ZEB1: variants seen among roughly 807,000 people sequenced by gnomAD.
ZEB1 encodes zinc finger E-box binding homeobox 1.
Under a neutral mutation model 84.9 loss-of-function variants are expected in ZEB1, and 21 were observed. That is an observed-to-expected ratio of 0.25 (90% CI 0.18 to 0.36). The LOEUF is 0.36. Among genes scored for constraint, ZEB1 ranks in the 10% least tolerant of loss-of-function variants. The pLI is 1.00. For missense variants in ZEB1, 1,104 were observed against 1,330.2 expected, an observed-to-expected ratio of 0.83 and a Z score of 2.65; for synonymous variants, 420 against 471.1, an observed-to-expected ratio of 0.89 and a Z score of 1.41.
rs1054803201 is a variant in ZEB1, at chr10:31,481,137, G to A, written c.260-14639G>A. ...TGGGATATAACAAGTAAGTAAATATGTTTCAGATAATAAGACCCAGATTTC... is the reference window on the plus strand; with the variant it reads ...TGGGATATAACAAGTAAGTAAATATATTTCAGATAATAAGACCCAGATTTC... On this transcript the variant is annotated intron_variant, in intron 2 of 8. Coordinates refer to ENST00000424869, the MANE Select transcript of ZEB1 (RefSeq NM_001174096.2). Among the ~76,000 whole-genome samples the A allele has an allele frequency of 5.1e-4, 78 of 151,972 alleles. 1 individual carries two copies. The highest frequency in any genetic ancestry group is 1.8e-4 in the Non-Finnish European group (12 of 67,960).
In ZEB1 at chr10:31,343,508, G is replaced by T. The variant is rs2039758386; in HGVS notation, c.58+24216G>T. Among the ~76,000 whole-genome samples the T allele has an allele frequency of 2.6e-5, 4 of 151,994 alleles. No individual in the cohort carries two copies. The South Asian group carries it at 8.3e-4, about 32-fold the overall frequency. On this transcript the variant is annotated intron_variant, in intron 1 of 8. Coordinates refer to ENST00000424869, the MANE Select transcript of ZEB1 (RefSeq NM_001174096.2). ...TTATTTTTTATCATACACATTTAAA[G>T]TACGGCCTTTGATTTATAGAATTTT...
chr10:31,474,336 T>C (rs1237439057), intron 2 of ZEB1, among the ~76,000 whole-genome samples: 2 of 151,452 alleles, frequency 1.3e-5, no homozygotes, highest in East Asian at 3.9e-4. Context: ...ATATCCAGAA[T>C]CTACAATGAA....
Position 31,354,999 on chromosome 10 carries a change from T to C in ZEB1, c.58+35707T>C, listed in dbSNP as rs1421601453. 2.6e-5 allele frequency: 4 copies of C among 152,200 alleles called. No homozygotes were observed. The East Asian group carries it at 7.7e-4, about 29-fold the overall frequency. The allele number at this position is 152,200 out of a possible 1,614,324, so 9.4% of individuals were successfully genotyped here. A position where few individuals can be genotyped will look rare whatever the true frequency, so the allele number is the denominator to read the frequency against. On this transcript the variant is annotated intron_variant, in intron 1 of 8. Transcript: ENST00000424869. ...ATACACGTGGGTGTAATACAAAGCA[T>C]TATAGTATTTTGTATAGTATCTCCT...
chr10:31,361,151 C>G (rs1049665166), intron 1 of ZEB1: 1 of 1,611,868 alleles, frequency 6.2e-7, no homozygotes, highest in East Asian at 2.2e-5. Flanking sequence ...GAGTGGCAAC[C>G]AGAACCTCTT....
At position 31,526,936 on chromosome 10, in the gene ZEB1, C is replaced by T. The variant is rs1250208239; in HGVS notation, c.3050C>T (p.Ser1017Phe). Reference sequence around the variant, plus strand: ...AATGAGCACGTGGGTGCCAGGGCGTCTCCCTCACAGGGCGACTCGGACGAG... The same window carrying T: ...AATGAGCACGTGGGTGCCAGGGCGTTTCCCTCACAGGGCGACTCGGACGAG... ...LSNEHVGARASPSQGDSDERE... is the reference protein window; with the variant it reads ...LSNEHVGARAFPSQGDSDERE... The change falls in exon 9 of 9, where the codon TCT (serine) becomes TTT (phenylalanine). Residue 1017 changes from serine (S) to phenylalanine (F), a missense_variant. By Grantham distance (155) the Ser-to-Phe change is radical. Transcript: ENST00000424869. The T allele has an allele frequency of 1.9e-6, 3 of 1,614,044 alleles. No homozygotes were observed. Among genetic ancestry groups the T allele is most frequent in the Non-Finnish European group, 2.5e-6 (3 of 1,180,014 alleles).
At chr10:31,408,149 T>C (rs1394603222) in intron 1 of ZEB1, among the ~76,000 whole-genome samples, 1 of 151,600 alleles carries the variant, frequency 6.6e-6, no homozygotes, top group Non-Finnish European at 1.5e-5. Flanking sequence ...TCACAATTGC[T>C]TCAAAGAGAA....
chr10:31,490,836 A>G (rs899319723), intron 2 of ZEB1, among the ~76,000 whole-genome samples: 2 of 151,772 alleles, frequency 1.3e-5, no homozygotes, highest in African/African-American at 4.8e-5. Flanking sequence ...AATCCTATCG[A>G]GAATTTTGAT....
intron 1 of ZEB1, among the ~76,000 whole-genome samples, chr10:31,368,987 G>A (rs538937239): frequency 6.6e-6 from 1 of 152,178 alleles, no homozygotes; most frequent in Non-Finnish European, 1.5e-5. Context: ...ACAGACAGTG[G>A]AATCTAAATT....
chr10:31,386,089 T>C (rs532268638), intron 1 of ZEB1, among the ~76,000 whole-genome samples: 1 of 151,348 alleles, frequency 6.6e-6, no homozygotes, highest in East Asian at 1.9e-4. Context: ...TTTATCACTT[T>C]ATTTATATCG....
intron 1 of ZEB1, among the ~76,000 whole-genome samples, chr10:31,357,041 C>T (rs191776177): frequency 6.6e-5 from 10 of 152,076 alleles, no homozygotes; most frequent in South Asian, 4.2e-4. Context: ...TGTTTTATAG[C>T]CTTGACCATA....
chr10:31,524,084 C>A lies in ZEB1; in HGVS notation c.2756C>A (p.Ser919Ter). ...GACAAGATATTCCAAAAGAGTAGTT[C>A]ATTATTGAGACATAAATATGAACAC... The part of the protein sequence containing the change: ...LCDKIFQKSS[S>*]LLRHKYEHTG... Residue 919 changes from serine to a stop codon, truncating the protein, a stop_gained, in exon 8 of 9, where the codon TCA (serine) becomes TAA (stop). Transcript: ENST00000424869. LOFTEE classifies it low-confidence loss of function (END_TRUNC). 6.2e-7 allele frequency: 1 copy of A among 1,613,520 alleles called. No individual in the cohort carries two copies. Among genetic ancestry groups the A allele is most frequent in the South Asian group, 1.1e-5 (1 of 91,038 alleles).
At chr10:31,341,589 G>T (rs2039379487) in intron 1 of ZEB1, among the ~76,000 whole-genome samples, 1 of 152,118 alleles carries the variant, frequency 6.6e-6, no homozygotes, top group Admixed American at 6.5e-5. Flanking sequence ...TATAGATGGG[G>T]GTCCTGGGCT....
chr10:31,419,282 G>T (rs534341513), intron 1 of ZEB1, among the ~76,000 whole-genome samples: 38 of 152,206 alleles, frequency 2.5e-4, no homozygotes, highest in African/African-American at 7.2e-4. Context: ...GAATGCCCTG[G>T]GGGGATAAGG....
intron 6 of ZEB1, among the ~76,000 whole-genome samples, chr10:31,518,103 A>C (rs1256554692): frequency 1.3e-5 from 2 of 152,172 alleles, no homozygotes; most frequent in Non-Finnish European, 2.9e-5. Context: ...AGTTCATGTA[A>C]AAATGTTATC....
chr10:31,419,999 A>T (rs1028339920), intron 1 of ZEB1, among the ~76,000 whole-genome samples: 20 of 152,054 alleles, frequency 1.3e-4, no homozygotes, highest in South Asian at 2.1e-4. Context: ...TGAAGATGAG[A>T]TCTCTTAACA....
chr10:31,447,561 C>A (rs1395461883), intron 1 of ZEB1, among the ~76,000 whole-genome samples: 4 of 134,934 alleles, frequency 3.0e-5, no homozygotes, highest in Non-Finnish European at 6.3e-5. Context: ...ACCGGTTGTT[C>A]CTTTCCATGT....
intron 1 of ZEB1, among the ~76,000 whole-genome samples, chr10:31,432,314 C>G (rs995903193): frequency 3.3e-5 from 5 of 152,272 alleles, no homozygotes; most frequent in Middle Eastern, 3.4e-3. Flanking sequence ...TAAGGATAGA[C>G]ATGGTGGCTC....
chr10:31,517,169 C>T (rs2071299759), intron 6 of ZEB1, among the ~76,000 whole-genome samples: 1 of 152,056 alleles, frequency 6.6e-6, no homozygotes, highest in Non-Finnish European at 1.5e-5. Context: ...ACCTCCATAA[C>T]TTTCTTTTCA....
rs566966967 is a variant in ZEB1, at chr10:31,453,798, A to G, written c.59-7239A>G. On this transcript the variant is annotated intron_variant, in intron 1 of 8. Coordinates refer to ENST00000424869, the MANE Select transcript of ZEB1 (RefSeq NM_001174096.2). ...CCAATAAAAAAAAATGTCCAGGACC[A>G]GACGGATTCACAGCCGAATTCTACC... Among the ~76,000 whole-genome samples, 6 of 152,342 alleles carry G rather than the reference A, an allele frequency of 3.9e-5. No individual in the cohort carries two copies. The East Asian group carries it at 1.2e-3, about 29-fold the overall frequency.
Sources: gnomAD v4.1 joint callset for allele counts (sites outside exome capture counted in the v4.1 genomes callset) on GRCh38, gnomAD v4.1.1 for gene constraint, MANE v1.5 for transcripts, NCBI Gene and HGNC (gene_info 2026-07-23, HGNC 2026-07-21) for gene names.